Variants in KHDRBS2 observed in about 807,000 individuals in gnomAD.
The protein encoded by KHDRBS2 is KH RNA binding domain containing, signal transduction associated 2, also known as KH domain-containing, RNA-binding, signal transduction-associated protein 2.
Under a neutral mutation model 44.3 loss-of-function variants are expected in KHDRBS2, and 26 were observed. The ratio of observed to expected loss-of-function variants is 0.59; its 90% CI spans 0.43 to 0.81. KHDRBS2 has a LOEUF of 0.81. Among genes scored for constraint, KHDRBS2 ranks in the 40% least tolerant of loss-of-function variants. The probability of loss-of-function intolerance (pLI) is 0.00; values close to 1 mark genes in which losing one functional copy is unlikely to be tolerated. For synonymous variants in KHDRBS2, 194 were observed against 151.1 expected (o/e 1.28, Z -2.08); for missense variants, 476 against 433.1 (o/e 1.10, Z -0.88).
the KHDRBS2 span, among the ~76,000 whole-genome samples, chr6:61,631,305 CAAAA>C: frequency 1.0e-4 from 7 of 66,992 alleles, no homozygotes; most frequent in African/African-American, 2.2e-4. Context: ...ACGAATAAGC[CAAAA>C]AAAAAAAAAA....
At chr6:61,542,840 T>C in the KHDRBS2 span, among the ~76,000 whole-genome samples, 1 of 151,932 alleles carries the variant, frequency 6.6e-6, no homozygotes, top group Admixed American at 6.6e-5. Flanking sequence ...TCAGAAAATT[T>C]GAGTGGAGTT....
intron 1 of KHDRBS2, among the ~76,000 whole-genome samples, chr6:62,181,017 T>A: frequency 1.0e-5 from 1 of 95,524 alleles, no homozygotes. Flanking sequence ...ACTCTTCTCT[T>A]ACACTGCACA....
the KHDRBS2 span, among the ~76,000 whole-genome samples, chr6:61,549,326 C>T: frequency 3.3e-5 from 5 of 152,088 alleles, no homozygotes; most frequent in South Asian, 1.0e-3. Flanking sequence ...TCTCAGGACT[C>T]CTTCACAGTC....
At chr6:61,956,004 C>A (rs1259471344) in intron 4 of KHDRBS2, among the ~76,000 whole-genome samples, 1 of 151,964 alleles carries the variant, frequency 6.6e-6, no homozygotes, top group Non-Finnish European at 1.5e-5. Context: ...ATCATCCTGG[C>A]CAACATGGTG....
intron 4 of KHDRBS2, among the ~76,000 whole-genome samples, chr6:61,926,150 A>C (rs1380841066): frequency 3.3e-5 from 5 of 152,242 alleles, no homozygotes; most frequent in Non-Finnish European, 7.3e-5. Context: ...TAGTAGAGAA[A>C]ACGTAGGTAG....
chr6:61,894,343 C>G (rs1367743767), intron 6 of KHDRBS2, among the ~76,000 whole-genome samples: 1 of 152,020 alleles, frequency 6.6e-6, no homozygotes, highest in East Asian at 1.9e-4. Context: ...GGCAATTCAC[C>G]TTTTGTTTAT....
intron 6 of KHDRBS2, among the ~76,000 whole-genome samples, chr6:61,840,297 A>T (rs1793397542): frequency 6.6e-6 from 1 of 152,130 alleles, no homozygotes. Flanking sequence ...AAAGCAGGTA[A>T]TATAAAAATG....
Position 61,939,646 on chromosome 6 carries a change from A to T in KHDRBS2, c.484-38275T>A, listed in dbSNP as rs1434707366. On this transcript the variant is annotated intron_variant, in intron 4 of 8. Coordinates refer to ENST00000281156, the MANE Select transcript of KHDRBS2 (RefSeq NM_152688.4). ...GGTATGACCGTAAATTATCCTCCTT[A>T]CACATTATTTCCTGCTTTTACATTT... is the stretch of plus-strand genomic sequence containing the variant. Among the ~76,000 whole-genome samples the T allele has an allele frequency of 2.0e-5, 3 of 152,180 alleles. 1 individual carries two copies. Among genetic ancestry groups the T allele is most frequent in the Admixed American group, 2.0e-4 (3 of 15,282 alleles).
intron 1 of KHDRBS2, among the ~76,000 whole-genome samples, chr6:62,192,530 G>C (rs1352212603): frequency 6.6e-6 from 1 of 152,054 alleles, no homozygotes; most frequent in African/African-American, 2.4e-5. Context: ...ACAAGCAGAT[G>C]TGCTTGAATT....
At chr6:61,924,614 T>C (rs1351348468) in intron 4 of KHDRBS2, among the ~76,000 whole-genome samples, 1 of 151,984 alleles carries the variant, frequency 6.6e-6, no homozygotes, top group South Asian at 2.1e-4. Flanking sequence ...TATCATTGTA[T>C]AGATAATATG....
At chr6:61,776,238 C>G (rs1424569710) in intron 6 of KHDRBS2, among the ~76,000 whole-genome samples, 1 of 152,108 alleles carries the variant, frequency 6.6e-6, no homozygotes, top group Non-Finnish European at 1.5e-5. Flanking sequence ...TGGGCAAGGA[C>G]TTCATGTCTA....
chr6:62,061,268 T>A (rs1791784045), intron 2 of KHDRBS2, among the ~76,000 whole-genome samples: 1 of 151,868 alleles, frequency 6.6e-6, no homozygotes, highest in African/African-American at 2.4e-5. Context: ...CTTCCTAGTC[T>A]CGATGGTCTT....
Position 61,795,847 on chromosome 6 carries a change from C to CT in KHDRBS2, c.811-63084dup, listed in dbSNP as rs1394968308. ...TCTTAATTTTCAGTACACTTGATTA[C>CT]TTTTTTTGCTGAAATAATAAGAGTT... On this transcript the variant is annotated intron_variant, in intron 6 of 8. Coordinates refer to ENST00000281156, the MANE Select transcript of KHDRBS2 (RefSeq NM_152688.4). 6.6e-5 allele frequency among the ~76,000 whole-genome samples: 10 copies of CT among 151,932 alleles called. 1 individual carries two copies. The South Asian group carries it at 1.2e-3, about 19-fold the overall frequency.
the KHDRBS2 span, among the ~76,000 whole-genome samples, chr6:61,578,964 T>G: frequency 6.6e-6 from 1 of 152,144 alleles, no homozygotes; most frequent in East Asian, 1.9e-4. Context: ...TTGGTAATAG[T>G]TTTATCCCTA....
intron 1 of KHDRBS2, among the ~76,000 whole-genome samples, chr6:62,184,198 A>G (rs1462109480): frequency 6.6e-6 from 1 of 151,722 alleles, no homozygotes; most frequent in Non-Finnish European, 1.5e-5. Context: ...AGCTTCCATC[A>G]CTTCGAAATC....
intron 2 of KHDRBS2, among the ~76,000 whole-genome samples, chr6:62,063,372 A>G (rs1792570408): frequency 1.3e-5 from 2 of 151,718 alleles, no homozygotes; most frequent in East Asian, 2.0e-4. Flanking sequence ...TTGATGCAAA[A>G]ATCCTCAATA....
intron 6 of KHDRBS2, among the ~76,000 whole-genome samples, chr6:61,830,297 C>G (rs1439801690): frequency 3.3e-5 from 5 of 152,076 alleles, no homozygotes; most frequent in Non-Finnish European, 5.9e-5. Flanking sequence ...TGGGGTAAGC[C>G]TGGAGTGAAT....
chr6:61,663,593 C>T, the KHDRBS2 span, among the ~76,000 whole-genome samples: 773 of 133,838 alleles, frequency 5.8e-3, 15 homozygotes, highest in African/African-American at 0.02. Flanking sequence ...CTACCGCTGA[C>T]CATTATTTTG....
At chr6:61,893,944 T>G (rs912881422) in intron 6 of KHDRBS2, among the ~76,000 whole-genome samples, 7 of 152,046 alleles carry the variant, frequency 4.6e-5, no homozygotes, top group Non-Finnish European at 7.4e-5. Flanking sequence ...TGTTACACTA[T>G]TAGTAAATTT....
Sources: gnomAD v4.1 joint callset for allele counts (sites outside exome capture counted in the v4.1 genomes callset) on GRCh38, gnomAD v4.1.1 for gene constraint, MANE v1.5 for transcripts, NCBI Gene and HGNC (gene_info 2026-07-23, HGNC 2026-07-21) for gene names.